The following PTHLH variants were observed in gnomAD, a reference collection of about 807,000 sequenced individuals.
PTHLH encodes the protein parathyroid hormone-related protein.
In PTHLH, 5 loss-of-function variants were observed where a neutral mutation model predicts 18.6. That is an observed-to-expected ratio of 0.27 (90% CI 0.14 to 0.56). The LOEUF is 0.56. PTHLH is among the 20% of genes least tolerant of loss of function. PTHLH has a pLI of 0.92. For missense variants in PTHLH, 207 were observed against 223.9 expected, an observed-to-expected ratio of 0.92 and a Z score of 0.48; for synonymous variants, 90 against 94.0, an observed-to-expected ratio of 0.96 and a Z score of 0.25.
intron 4 of PTHLH, 72 bp from the exon 5 acceptor site, chr12:27,963,842 A>G: frequency 6.8e-7 from 1 of 1,475,476 alleles, no homozygotes; most frequent in Non-Finnish European, 9.4e-7. Context: ...CAAAGACATG[A>G]GTAAATCTCT....
At position 27,969,295 on chromosome 12, in the gene PTHLH, G is replaced by A; in HGVS notation, c.101+99C>T. ...TCCCTCTCCCTAACCCGGGCAAGGA[G>A]CATCGGTGACCGCTGCAAGCCCTCG... On this transcript the variant is annotated intron_variant, in intron 4 of 5. Coordinates refer to ENST00000545234, the MANE Select transcript of PTHLH (RefSeq NM_198965.2). 3 of 1,198,104 alleles carry A rather than the reference G, an allele frequency of 2.5e-6. No individual in the cohort carries two copies. The East Asian group carries it at 7.7e-5, about 31-fold the overall frequency. 74.2% of individuals were successfully genotyped at this position (1,198,104 alleles called of 1,614,324 possible).
chr12:27,965,949 G>T (rs1259748542), intron 4 of PTHLH, among the ~76,000 whole-genome samples: 1 of 152,172 alleles, frequency 6.6e-6, no homozygotes, highest in Non-Finnish European at 1.5e-5. Context: ...AGTATTGGGG[G>T]CTTTTATTTC....
At chr12:27,962,758 T>C (rs570250110) in intron 5 of PTHLH, 1 of 978,146 alleles carries the variant, frequency 1.0e-6, no homozygotes, top group East Asian at 1.1e-4. Flanking sequence ...TAAATTTAAT[T>C]AAACAAATTT....
chr12:27,965,708 C>T (rs1314897572), intron 4 of PTHLH, among the ~76,000 whole-genome samples: 1 of 152,076 alleles, frequency 6.6e-6, no homozygotes, highest in Non-Finnish European at 1.5e-5. Context: ...TTAGAAGGTG[C>T]CACATGTGAC....
intron 4 of PTHLH, chr12:27,969,015 A>G: frequency 4.0e-6 from 1 of 247,212 alleles, no homozygotes; most frequent in Non-Finnish European, 8.0e-6. Context: ...CGCGCAGGCC[A>G]TACGTCCCCA....
At chr12:27,968,739 T>C (rs1400539102) in intron 4 of PTHLH, among the ~76,000 whole-genome samples, 1 of 152,180 alleles carries the variant, frequency 6.6e-6, no homozygotes, top group African/African-American at 2.4e-5. Flanking sequence ...ATTAAAGAAC[T>C]GTTAGCAATA....
At chr12:27,961,322 C>CATGTATATATATATATAT (rs2062757743) in intron 5 of PTHLH, among the ~76,000 whole-genome samples, 4 of 101,274 alleles carry the variant, frequency 3.9e-5, no homozygotes, top group Admixed American at 3.5e-4. Context: ...TATATATATA[C>CATGTATATATATATATAT]GTATATATAT....
intron 5 of PTHLH, among the ~76,000 whole-genome samples, chr12:27,960,453 T>C (rs775158397): frequency 3.9e-5 from 6 of 152,088 alleles, no homozygotes; most frequent in African/African-American, 4.8e-5. Context: ...TTGGCCGGTG[T>C]GGTGGTTCAT....
chr12:27,961,691 A>C lies in PTHLH; in HGVS notation c.524+1657T>G, dbSNP rs2062762908. The C allele has an allele frequency of 9.0e-6, 4 of 445,920 alleles. No homozygotes were observed. The East Asian group carries it at 1.4e-4, about 16-fold the overall frequency. 27.6% of individuals were successfully genotyped at this position (445,920 alleles called of 1,614,324 possible). ...CCATTAGATGTTTGCAGGATAGGTC[A>C]TTCACTGTGCTCAAGATTTTTCTAG... On this transcript the variant is annotated intron_variant, in intron 5 of 5. Transcript: ENST00000545234.
At chr12:27,961,962 T>C (rs1384368531) in intron 5 of PTHLH, 4 of 719,716 alleles carry the variant, frequency 5.6e-6, no homozygotes, top group South Asian at 4.6e-5. Context: ...TCTGTTGTTT[T>C]CCTTTTTTTT....
rs779578170 is a variant in PTHLH, at chr12:27,970,072, T to C, written c.-70A>G. On this transcript the variant is annotated 5_prime_UTR_variant, in exon 3 of 6. Coordinates refer to ENST00000545234, the MANE Select transcript of PTHLH (RefSeq NM_198965.2). ...TCCGGAAAGTTGATTCCACACACCC[T>C]GAGAACAAGTTTCAAGTGCGTGTGT... 3 of 519,034 alleles carry C rather than the reference T, an allele frequency of 5.8e-6. No homozygotes were observed. Among genetic ancestry groups the C allele is most frequent in the Non-Finnish European group, 1.2e-5 (3 of 259,874 alleles). 32.2% of individuals were successfully genotyped at this position (519,034 alleles called of 1,614,324 possible).
At chr12:27,965,866 G>A (rs1466333011) in intron 4 of PTHLH, among the ~76,000 whole-genome samples, 1 of 152,158 alleles carries the variant, frequency 6.6e-6, no homozygotes, top group African/African-American at 2.4e-5. Flanking sequence ...TATTTCATAA[G>A]CACTACAGTT....
chr12:27,964,859 C>T (rs2062797994), intron 4 of PTHLH, among the ~76,000 whole-genome samples: 2 of 152,192 alleles, frequency 1.3e-5, no homozygotes, highest in Admixed American at 1.3e-4. Flanking sequence ...ATATTATTAA[C>T]CATATTTACG....
At chr12:27,959,886 C>G (rs139799359) in intron 5 of PTHLH, among the ~76,000 whole-genome samples, 75 of 152,238 alleles carry the variant, frequency 4.9e-4, no homozygotes, top group African/African-American at 1.8e-3. Context: ...ACTCAATAAT[C>G]TGCATTCTTT....
intron 5 of PTHLH, 191 bp downstream of exon 5, chr12:27,963,157 G>T: frequency 1.4e-6 from 2 of 1,479,508 alleles, no homozygotes; most frequent in Non-Finnish European, 1.8e-6. Flanking sequence ...GGAGGACAGG[G>T]GTGTGTGTGG....
chr12:27,964,575 G>A lies in PTHLH; in HGVS notation c.102-805C>T, dbSNP rs1378956105. Among the ~76,000 whole-genome samples, 4 of 151,998 alleles carry A rather than the reference G, an allele frequency of 2.6e-5. No homozygotes were observed. In the East Asian group the frequency reaches 7.7e-4, roughly 29 times the overall value. Reference sequence around the variant, plus strand: ...AATGGGTTTCTTTGTGTGCTTAAATGAGCTCATTCTATTTCTTCTGTGCTT... The same window carrying A: ...AATGGGTTTCTTTGTGTGCTTAAATAAGCTCATTCTATTTCTTCTGTGCTT... On this transcript the variant is annotated intron_variant, in intron 4 of 5. Transcript: ENST00000545234.
intron 5 of PTHLH, 46 bp from the exon 6 acceptor site, chr12:27,958,614 T>A: frequency 6.5e-7 from 1 of 1,529,844 alleles, no homozygotes; most frequent in Non-Finnish European, 8.8e-7. Context: ...CAGGTTAGTT[T>A]TCTTTACAAA....
intron 5 of PTHLH, among the ~76,000 whole-genome samples, chr12:27,961,265 T>C (rs2062750333): frequency 1.5e-5 from 1 of 64,890 alleles, no homozygotes; most frequent in South Asian, 5.3e-4. Flanking sequence ...TTTATACCTC[T>C]TTTTATAACT....
Position 27,971,226 on chromosome 12 carries a change from T to C in PTHLH, c.-266+701A>G, listed in dbSNP as rs138878317. ...CGCTGCAGCCAGCGGACAGATGCAG[T>C]GGAACTATGGTTATGTGCTGCTCTG... On this transcript the variant is annotated intron_variant, in intron 2 of 5. Coordinates refer to ENST00000545234, the MANE Select transcript of PTHLH (RefSeq NM_198965.2). 3.7e-4 allele frequency among the ~76,000 whole-genome samples: 56 copies of C among 152,116 alleles called. No individual in the cohort carries two copies. In the East Asian group the frequency reaches 0.01, roughly 28 times the overall value.
Sources: gnomAD v4.1 joint callset for allele counts (sites outside exome capture counted in the v4.1 genomes callset) on GRCh38, gnomAD v4.1.1 for gene constraint, MANE v1.5 for transcripts, NCBI Gene and HGNC (gene_info 2026-07-23, HGNC 2026-07-21) for gene names.